The following TAFA5 variants were observed in gnomAD, a reference collection of about 807,000 sequenced individuals.
TAFA5 encodes the protein TAFA chemokine like family member 5, also known as chemokine-like protein TAFA-5.
A neutral mutation model predicts 15.3 loss-of-function variants in TAFA5; 6 were observed. That is an observed-to-expected ratio of 0.39 (90% CI 0.21 to 0.77). The LOEUF is 0.77. Among genes scored for constraint, TAFA5 ranks in the 30% least tolerant of loss-of-function variants. The pLI, the probability that TAFA5 is intolerant of heterozygous loss-of-function variation, is 0.41. For synonymous variants in TAFA5, 103 were observed against 80.7 expected (o/e 1.28, Z -1.48); for missense variants, 161 against 193.1 (o/e 0.83, Z 0.98).
chr22:48,530,468 G>A lies in TAFA5; in HGVS notation c.112+40764G>A, dbSNP rs1366942606. Among the ~76,000 whole-genome samples, 1 of 152,156 alleles carries A rather than the reference G, an allele frequency of 6.6e-6. No homozygotes were observed. The highest frequency in any genetic ancestry group is 1.5e-5 in the Non-Finnish European group (1 of 68,026). On this transcript the variant is annotated intron_variant, in intron 1 of 3. Coordinates refer to ENST00000402357, the MANE Select transcript of TAFA5 (RefSeq NM_001082967.3). This position sits in a 1 kb window ranked among gnomAD's most constrained non-coding sequence, Gnocchi z 6.0. ...TCTTGGCTGACCACTGGATACTCTG[G>A]CCAGGGACCTTGGGATGGTTCAGGG... is the stretch of plus-strand genomic sequence containing the variant.
At chr22:48,665,132 G>A (rs1927567516) in intron 2 of TAFA5, among the ~76,000 whole-genome samples, 1 of 152,182 alleles carries the variant, frequency 6.6e-6, no homozygotes, top group African/African-American at 2.4e-5. Context: ...AGCCTACGGT[G>A]TTTCGTGGAC....
chr22:48,731,085 GAA>G (rs1204244756), intron 3 of TAFA5, among the ~76,000 whole-genome samples: 1 of 152,210 alleles, frequency 6.6e-6, no homozygotes, highest in African/African-American at 2.4e-5. Flanking sequence ...CGAATGATAA[GAA>G]AGGGATAGAA....
At chr22:48,515,507 C>T (rs1186367437) in intron 1 of TAFA5, among the ~76,000 whole-genome samples, 1 of 152,180 alleles carries the variant, frequency 6.6e-6, no homozygotes, top group Non-Finnish European at 1.5e-5. Flanking sequence ...CTCCATCCAC[C>T]CTGGCCTCCT....
At chr22:48,620,914 C>CA in intron 1 of TAFA5, among the ~76,000 whole-genome samples, 1 of 119,906 alleles carries the variant, frequency 8.3e-6, no homozygotes, top group Admixed American at 8.2e-5. Flanking sequence ...CACCCACCCA[C>CA]CTATCCTATT....
chr22:48,659,914 C>A (rs1395705631), intron 2 of TAFA5, among the ~76,000 whole-genome samples: 1 of 152,222 alleles, frequency 6.6e-6, no homozygotes, highest in Non-Finnish European at 1.5e-5. Context: ...AAGCCAGGGA[C>A]ATTTTGAAAG....
intron 1 of TAFA5, among the ~76,000 whole-genome samples, chr22:48,578,127 A>G (rs1923885944): frequency 6.6e-6 from 1 of 152,098 alleles, no homozygotes; most frequent in Non-Finnish European, 1.5e-5. Context: ...TCTCTGGCTG[A>G]TCTCGAAGTC....
chr22:48,562,275 C>T (rs1601580972), intron 1 of TAFA5, among the ~76,000 whole-genome samples: 1 of 151,686 alleles, frequency 6.6e-6, no homozygotes, highest in African/African-American at 2.4e-5. Flanking sequence ...GTAGCTGGGA[C>T]TACAGGCGCC....
intron 1 of TAFA5, among the ~76,000 whole-genome samples, chr22:48,507,103 G>A (rs1367982129): frequency 1.3e-5 from 2 of 152,148 alleles, no homozygotes; most frequent in Non-Finnish European, 2.9e-5. Context: ...GCAGTTGGAG[G>A]AGAAGGAGGT....
chr22:48,537,514 G>A (rs538128266), intron 1 of TAFA5, among the ~76,000 whole-genome samples: 67 of 152,364 alleles, frequency 4.4e-4, no homozygotes, highest in African/African-American at 1.5e-3. Context: ...CTCAGCATGC[G>A]GCCCTGGCCA....
chr22:48,721,574 A>C (rs1368540558), intron 3 of TAFA5, among the ~76,000 whole-genome samples: 1 of 152,134 alleles, frequency 6.6e-6, no homozygotes, highest in East Asian at 1.9e-4. Context: ...TTTTTCTCCT[A>C]TTGGTTTATA....
intron 1 of TAFA5, among the ~76,000 whole-genome samples, chr22:48,606,992 A>C (rs184016229): frequency 6.6e-6 from 1 of 152,314 alleles, no homozygotes; most frequent in East Asian, 1.9e-4. Flanking sequence ...ACTTTCACTG[A>C]TGCAGTCACC....
chr22:48,663,298 CTAG>C (rs2147215916), intron 2 of TAFA5, among the ~76,000 whole-genome samples: 1 of 152,156 alleles, frequency 6.6e-6, no homozygotes, highest in East Asian at 1.9e-4. Flanking sequence ...GTTGGGGGCA[CTAG>C]AGTGGGCTGA....
chr22:48,632,755 GA>G (rs1393450695), intron 1 of TAFA5, among the ~76,000 whole-genome samples: 3 of 152,146 alleles, frequency 2.0e-5, no homozygotes, highest in Non-Finnish European at 4.4e-5. Context: ...TCCTGACGGG[GA>G]GCAGCAGAGG....
intron 3 of TAFA5, among the ~76,000 whole-genome samples, chr22:48,747,924 G>A (rs377336744): frequency 4.6e-5 from 7 of 151,326 alleles, no homozygotes; most frequent in African/African-American, 7.3e-5. Flanking sequence ...AAAGAATAGC[G>A]TGTTCCTTCA....
rs80255309 is a variant in TAFA5 at position 48,614,488 on chromosome 22, G to A, written c.113-32109G>A. Among the ~76,000 whole-genome samples the A allele has an allele frequency of 9.6e-3, 1,457 of 152,266 alleles. 25 individuals carry two copies. The highest frequency in any genetic ancestry group is 0.034 in the African/African-American group (1,399 of 41,528). ...TGCTGGTTTCAAAGCTGAAAATCCC[G>A]CCTTGTACCAACCCCTAAGTCCCGG... On this transcript the variant is annotated intron_variant, in intron 1 of 3. Coordinates refer to ENST00000402357, the MANE Select transcript of TAFA5 (RefSeq NM_001082967.3).
At position 48,550,281 on chromosome 22, in the gene TAFA5, C is replaced by A. The variant is rs1252793597; in HGVS notation, c.112+60577C>A. Among the ~76,000 whole-genome samples, 1 of 152,208 alleles carries A rather than the reference C, an allele frequency of 6.6e-6. No homozygotes were observed. The highest frequency in any genetic ancestry group is 2.1e-4 in the South Asian group (1 of 4,832). ...CATCTGGCCGGGATAAGGTGTAGGC[C>A]TGGGAGAACAGGGTCAGTGCAGGCC... On this transcript the variant is annotated intron_variant, in intron 1 of 3. Transcript: ENST00000402357. This position sits in a 1 kb window ranked among gnomAD's most constrained non-coding sequence, Gnocchi z 4.1.
intron 1 of TAFA5, among the ~76,000 whole-genome samples, chr22:48,600,030 C>T (rs1364504193): frequency 1.3e-5 from 2 of 152,180 alleles, no homozygotes; most frequent in Non-Finnish European, 2.9e-5. Flanking sequence ...CTGGGCTGGG[C>T]TGGTCTTGTT....
intron 1 of TAFA5, among the ~76,000 whole-genome samples, chr22:48,519,306 T>C (rs1031082016): frequency 2.6e-5 from 4 of 152,258 alleles, no homozygotes; most frequent in Admixed American, 6.5e-5. Context: ...GTCTTCCCTT[T>C]GAGGACCTTT....
chr22:48,522,515 G>C (rs942182641), intron 1 of TAFA5, among the ~76,000 whole-genome samples: 1 of 152,104 alleles, frequency 6.6e-6, no homozygotes, highest in East Asian at 1.9e-4. Flanking sequence ...CTACACTCGC[G>C]TCCTCCGCTT....
Sources: gnomAD v4.1 joint callset for allele counts (sites outside exome capture counted in the v4.1 genomes callset) on GRCh38, gnomAD v4.1.1 for gene constraint, Gnocchi (gnomAD v3.1) non-coding constraint, MANE v1.5 for transcripts, NCBI Gene and HGNC (gene_info 2026-07-23, HGNC 2026-07-21) for gene names.